The following NEURL1 variants were observed in gnomAD, a reference collection of about 807,000 sequenced individuals.
NEURL1 encodes E3 ubiquitin-protein ligase NEURL1.
A neutral mutation model predicts 41.2 loss-of-function variants in NEURL1; 26 were observed. That is an observed-to-expected ratio of 0.63 (90% CI 0.46 to 0.87). The LOEUF is 0.87. Among genes scored for constraint, NEURL1 ranks in the 40% least tolerant of loss-of-function variants. The pLI, the probability that NEURL1 is intolerant of heterozygous loss-of-function variation, is 0.00. For synonymous variants in NEURL1, 400 were observed against 402.3 expected (o/e 0.99, Z 0.07); for missense variants, 761 against 871.1 (o/e 0.87, Z 1.59).
At position 103,571,013 on chromosome 10, in the gene NEURL1, T is replaced by G; in HGVS notation, c.227T>G (p.Met76Arg). The G allele has an allele frequency of 1.9e-6, 3 of 1,614,024 alleles. No individual in the cohort carries two copies. Among genetic ancestry groups the G allele is most frequent in the Non-Finnish European group, 2.5e-6 (3 of 1,180,004 alleles). Reference sequence around the variant, plus strand: ...CACACCAAGGGCTCCCAGATCCTCATGGACCTCAGCCACAAGGCTGTCAAG... The same window carrying G: ...CACACCAAGGGCTCCCAGATCCTCAGGGACCTCAGCCACAAGGCTGTCAAG... ...HPHTKGSQIL[M>R]DLSHKAVKRQ... is the part of the protein sequence containing the mutation. Residue 76 changes from methionine (M) to arginine (R), a missense_variant, in exon 2 of 6, where the codon ATG becomes AGG. Around this residue, in one of 5 missense-constraint regions of NEURL1, gnomAD observed 65 missense variants for 131.6 expected, o/e 0.49. Coordinates refer to ENST00000369780, the MANE Select transcript of NEURL1 (RefSeq NM_004210.5).
At chr10:103,571,867 C>T in intron 3 of NEURL1, 45 bp downstream of exon 3, 4 of 1,532,842 alleles carry the variant, frequency 2.6e-6, no homozygotes, top group Non-Finnish European at 3.5e-6. Context: ...GGACACCCCT[C>T]AGCCTCTGGG....
intron 1 of NEURL1, among the ~76,000 whole-genome samples, chr10:103,568,726 CT>C (rs1245068192): frequency 1.3e-5 from 2 of 152,146 alleles, no homozygotes; most frequent in Non-Finnish European, 2.9e-5. Context: ...CAAATGTCAC[CT>C]TGTGCTCCTT....
At chr10:103,561,464 A>T (rs934709490) in intron 1 of NEURL1, among the ~76,000 whole-genome samples, 1 of 152,056 alleles carries the variant, frequency 6.6e-6, no homozygotes, top group East Asian at 1.9e-4. Flanking sequence ...GGGTTTTATC[A>T]TGTTGGCCAG....
chr10:103,567,188 T>C (rs1209824658), intron 1 of NEURL1, among the ~76,000 whole-genome samples: 3 of 152,018 alleles, frequency 2.0e-5, no homozygotes, highest in Admixed American at 6.6e-5. Context: ...TTCACCGTGT[T>C]GGCCAGGCTG....
chr10:103,561,055 C>G (rs2035280838), intron 1 of NEURL1, among the ~76,000 whole-genome samples: 1 of 152,202 alleles, frequency 6.6e-6, no homozygotes. Flanking sequence ...GGCTGCTTCG[C>G]AAGGCTTGCC....
Position 103,592,329 on chromosome 10 carries a change from A to G in NEURL1, c.*1957A>G, listed in dbSNP as rs540810039. The G allele has an allele frequency of 2.0e-5, 3 of 152,550 alleles. No homozygotes were observed. In the East Asian group the frequency reaches 5.8e-4, roughly 30 times the overall value. 9.4% of individuals were successfully genotyped at this position (152,550 alleles called of 1,614,324 possible). ...GGGTGTGTGGGGAAGTCACTGTCCC[A>G]CTATGGGTCTCCACTACCCAGTCAC... On this transcript the variant is annotated 3_prime_UTR_variant, in exon 6 of 6. Coordinates refer to ENST00000369780, the MANE Select transcript of NEURL1 (RefSeq NM_004210.5). This position sits in a 1 kb window ranked among gnomAD's most constrained non-coding sequence, Gnocchi z 4.8.
intron 3 of NEURL1, among the ~76,000 whole-genome samples, chr10:103,584,181 G>A (rs1389706792): frequency 2.6e-5 from 4 of 152,058 alleles, no homozygotes; most frequent in Non-Finnish European, 5.9e-5. Context: ...TAGCTGCTAG[G>A]GATAAGACGG....
intron 1 of NEURL1, among the ~76,000 whole-genome samples, chr10:103,519,960 T>A (rs972733906): frequency 3.4e-5 from 5 of 148,648 alleles, no homozygotes; most frequent in African/African-American, 7.8e-5. Context: ...AATTTTTAAA[T>A]TTTTTTTAGA....
At chr10:103,547,525 T>C (rs575435468) in intron 1 of NEURL1, among the ~76,000 whole-genome samples, 1 of 152,284 alleles carries the variant, frequency 6.6e-6, no homozygotes, top group East Asian at 1.9e-4. Flanking sequence ...CTCTGTAAGC[T>C]GGACCTGGGA....
At chr10:103,555,384 G>A (rs765785857) in intron 1 of NEURL1, 2 of 1,359,696 alleles carry the variant, frequency 1.5e-6, no homozygotes, top group Non-Finnish European at 2.0e-6. Flanking sequence ...CCGGAGATGG[G>A]GGGACAGATC....
chr10:103,584,749 C>CAT lies in NEURL1; in HGVS notation c.863_864insAT (p.Gln289CysfsTer216). The CAT allele has an allele frequency of 6.9e-7, 1 of 1,459,488 alleles. No individual in the cohort carries two copies. The highest frequency in any genetic ancestry group is 9.0e-7 in the Non-Finnish European group (1 of 1,110,514). The allele number at this position is 1,459,488 out of a possible 1,614,324, so 90.4% of individuals were successfully genotyped here. On this transcript the variant is annotated frameshift_variant, in exon 4 of 6. Coordinates refer to ENST00000369780, the MANE Select transcript of NEURL1 (RefSeq NM_004210.5). LOFTEE classifies it high-confidence loss of function. ...TCGCAGCACAGCCGCGCGCTGCCGG[C>CAT]GCAGCTCGACGGCGACCTGCGTTTC...
At chr10:103,510,250 A>G (rs962101380) in intron 1 of NEURL1, among the ~76,000 whole-genome samples, 1 of 152,158 alleles carries the variant, frequency 6.6e-6, no homozygotes, top group African/African-American at 2.4e-5. Flanking sequence ...ATGTTGACTC[A>G]CAAAGCACCA....
At chr10:103,547,671 C>T (rs988848291) in intron 1 of NEURL1, among the ~76,000 whole-genome samples, 8 of 152,110 alleles carry the variant, frequency 5.3e-5, no homozygotes, top group Non-Finnish European at 1.0e-4. Context: ...TAGGCTGAGC[C>T]GTGGGGCTAA....
rs1375275477 is a variant in NEURL1 at position 103,499,782 on chromosome 10, C to CCA, written c.85+5310_85+5311insCA. Among the ~76,000 whole-genome samples, 669 of 152,118 alleles carry CCA rather than the reference C, an allele frequency of 4.4e-3. 3 individuals are homozygous for CCA. The highest frequency in any genetic ancestry group is 0.017 in the Middle Eastern group (5 of 292). On this transcript the variant is annotated intron_variant, in intron 1 of 5. Transcript: ENST00000369780. ...CTAGCCATTTTTCTGCATTCACATT[C>CCA]TCGCTGCTACTTCCCCTATCTGAGT...
intron 1 of NEURL1, among the ~76,000 whole-genome samples, chr10:103,562,202 GT>G (rs2035309495): frequency 6.6e-6 from 1 of 152,178 alleles, no homozygotes; most frequent in Non-Finnish European, 1.5e-5. Flanking sequence ...GACCAACATA[GT>G]AAAACCCCGT....
chr10:103,516,396 C>CG (rs535861799), intron 1 of NEURL1, among the ~76,000 whole-genome samples: 7 of 150,350 alleles, frequency 4.7e-5, no homozygotes, highest in Admixed American at 6.6e-5. Flanking sequence ...AAGCAGAAGG[C>CG]GGGGGTTGGA....
In NEURL1 at chr10:103,584,666, G is replaced by C; in HGVS notation, c.780G>C (p.Ala260=). 1.4e-6 allele frequency: 2 copies of C among 1,427,146 alleles called. No individual in the cohort carries two copies. Among genetic ancestry groups the C allele is most frequent in the Admixed American group, 3.0e-5 (1 of 33,324 alleles). 88.4% of individuals were successfully genotyped at this position (1,427,146 alleles called of 1,614,324 possible). A position where few individuals can be genotyped will look rare whatever the true frequency, so the allele number is the denominator to read the frequency against. ...TATGCGACCTCAACGTGCCGGGCGC[G>C]GACGGCGACGAGGCCGCGCCGGCCG... ...VSLCDLNVPG[A]DGDEAAPAAG... Residue 260 remains alanine (A), a synonymous_variant, in exon 4 of 6, where the codon GCG becomes GCC. Coordinates refer to ENST00000369780, the MANE Select transcript of NEURL1 (RefSeq NM_004210.5).
chr10:103,550,718 C>G lies in NEURL1; in HGVS notation c.86-20154C>G, dbSNP rs569419605. On this transcript the variant is annotated intron_variant, in intron 1 of 5. Coordinates refer to ENST00000369780, the MANE Select transcript of NEURL1 (RefSeq NM_004210.5). The stretch of plus-strand genomic sequence containing the variant: ...CCACTGTCCCCTTGTCTTCTCTCCT[C>G]TAAGCAAGAGGGGCCCCTGCCCGTT... The G allele has an allele frequency of 3.9e-5, 6 of 152,380 alleles. No individual in the cohort carries two copies. In the East Asian group the frequency reaches 1.2e-3, roughly 29 times the overall value. The allele number at this position is 152,380 out of a possible 1,614,324, so 9.4% of individuals were successfully genotyped here. A position where few individuals can be genotyped will look rare whatever the true frequency, so the allele number is the denominator to read the frequency against.
chr10:103,517,165 T>C (rs1008533669), intron 1 of NEURL1, among the ~76,000 whole-genome samples: 4 of 152,184 alleles, frequency 2.6e-5, no homozygotes, highest in Non-Finnish European at 4.4e-5. Context: ...TAGCTGGGAC[T>C]ACCAGCATGT....
Sources: gnomAD v4.1 joint callset for allele counts (sites outside exome capture counted in the v4.1 genomes callset) on GRCh38, gnomAD v4.1.1 for gene constraint, gnomAD v4.1.1 regional missense constraint, Gnocchi (gnomAD v3.1) non-coding constraint, MANE v1.5 for transcripts, NCBI Gene and HGNC (gene_info 2026-07-23, HGNC 2026-07-21) for gene names.